The following CDK5R1 variants were observed in gnomAD, a reference collection of about 807,000 sequenced individuals.
CDK5R1 encodes the protein cyclin-dependent kinase 5 activator 1.
CDK5R1 carries 1 observed loss-of-function variant against 19.0 expected under a neutral mutation model. The observed-to-expected ratio is 0.05, with a 90% CI of 0.02 to 0.25. The LOEUF is 0.25. Ranked by LOEUF, CDK5R1 falls within the 10% of genes least tolerant of loss-of-function variation. The pLI is 1.00. For missense variants in CDK5R1, 314 were observed against 401.0 expected (o/e 0.78, Z 1.85); for synonymous variants, 225 against 187.7 (o/e 1.20, Z -1.62).
rs1222702562 is a variant in CDK5R1, at chr17:32,488,791, C to A, written c.*247C>A. ...CACTGACCTCCCACTTTGGGGAACTCAAAGGACTGACCTGCCCCTGCCGCC... is the reference window on the plus strand; with the variant it reads ...CACTGACCTCCCACTTTGGGGAACTAAAAGGACTGACCTGCCCCTGCCGCC... On this transcript the variant is annotated 3_prime_UTR_variant, in exon 2 of 2. Transcript: ENST00000313401. 3.1e-6 allele frequency: 2 copies of A among 636,302 alleles called. No homozygotes were observed. Among genetic ancestry groups the A allele is most frequent in the African/African-American group, 3.7e-5 (2 of 53,976 alleles). The allele number at this position is 636,302 out of a possible 1,614,324, so 39.4% of individuals were successfully genotyped here.
Position 32,489,246 on chromosome 17 carries a change from C to G in CDK5R1, c.*702C>G. On this transcript the variant is annotated 3_prime_UTR_variant, in exon 2 of 2. Coordinates refer to ENST00000313401, the MANE Select transcript of CDK5R1 (RefSeq NM_003885.3). ...GGTATTGGCCGATGAGCTGGTTTGA[C>G]TCATTAATTTCTCTCAATTTGGGTC... is the stretch of plus-strand genomic sequence containing the variant. 2.1e-6 allele frequency: 1 copy of G among 471,126 alleles called. No individual in the cohort carries two copies. 29.2% of individuals were successfully genotyped at this position (471,126 alleles called of 1,614,324 possible).
Position 32,488,814 on chromosome 17 carries a change from G to A in CDK5R1, c.*270G>A, listed in dbSNP as rs138704443. The A allele has an allele frequency of 5.5e-4, 287 of 523,370 alleles. 3 individuals are homozygous for A. The East Asian group carries it at 0.012, about 21-fold the overall frequency. The allele number at this position is 523,370 out of a possible 1,614,324, so 32.4% of individuals were successfully genotyped here. A position where few individuals can be genotyped will look rare whatever the true frequency, so the allele number is the denominator to read the frequency against. ...CTCAAAGGACTGACCTGCCCCTGCCGCCTGTGCCCTTGCTGGGTCCAGGGT... is the reference window on the plus strand; with the variant it reads ...CTCAAAGGACTGACCTGCCCCTGCCACCTGTGCCCTTGCTGGGTCCAGGGT... On this transcript the variant is annotated 3_prime_UTR_variant, in exon 2 of 2. Transcript: ENST00000313401.
In CDK5R1 at chr17:32,489,161, T is replaced by C; in HGVS notation, c.*617T>C. The C allele has an allele frequency of 2.1e-6, 1 of 471,118 alleles. No individual in the cohort carries two copies. Among genetic ancestry groups the C allele is most frequent in the South Asian group, 1.5e-5 (1 of 64,570 alleles). The allele number at this position is 471,118 out of a possible 1,614,324, so 29.2% of individuals were successfully genotyped here. A position where few individuals can be genotyped will look rare whatever the true frequency, so the allele number is the denominator to read the frequency against. Reference sequence around the variant, plus strand: ...TTTTTTAGGGAGAAGGGCTTTTCTTTAGTGGAGAAATGGAACTCGCCCCCC... The same window carrying C: ...TTTTTTAGGGAGAAGGGCTTTTCTTCAGTGGAGAAATGGAACTCGCCCCCC... On this transcript the variant is annotated 3_prime_UTR_variant, in exon 2 of 2. Transcript: ENST00000313401.
Position 32,487,445 on chromosome 17 carries a change from G to C in CDK5R1, c.-145-31G>C. The C allele has an allele frequency of 1.9e-6, 1 of 528,946 alleles. No homozygotes were observed. The highest frequency in any genetic ancestry group is 3.9e-5 in the Admixed American group (1 of 25,810). The allele number at this position is 528,946 out of a possible 1,614,324, so 32.8% of individuals were successfully genotyped here. A position where few individuals can be genotyped will look rare whatever the true frequency, so the allele number is the denominator to read the frequency against. On this transcript the variant is annotated intron_variant, in intron 1 of 1. Transcript: ENST00000313401. The surrounding 1 kb of genome is among the most constrained non-coding windows in gnomAD (Gnocchi z 7.9). The stretch of plus-strand genomic sequence containing the variant: ...GCGCAGGGGCGCGGCGCGGAGCCCA[G>C]CCTGGCGCTAAGAACCATCTTGTTT...
In CDK5R1 at chr17:32,488,337, C is replaced by T. The variant is rs758287417; in HGVS notation, c.717C>T (p.Asn239=). ...CLYLSYSYMG[N]EISYPLKPFL... ...ACCTCTCCTACTCCTACATGGGCAA[C>T]GAGATCTCCTACCCGCTCAAGCCCT... is the stretch of plus-strand genomic sequence containing the variant. Residue 239 remains asparagine, a synonymous_variant, in exon 2 of 2, where the codon AAC becomes AAT. Transcript: ENST00000313401. 3 of 1,614,162 alleles carry T rather than the reference C, an allele frequency of 1.9e-6. No individual in the cohort carries two copies. The highest frequency in any genetic ancestry group is 2.2e-5 in the South Asian group (2 of 91,086).
rs1908742695 is a variant in CDK5R1 at position 32,488,101 on chromosome 17, C to T, written c.481C>T (p.Arg161Cys). The change falls in exon 2 of 2, where the codon CGC becomes TGC. Residue 161 changes from arginine to cysteine, a missense_variant. Physicochemically the swap from Arg to Cys is radical, Grantham distance 180. Around this residue, in one of 3 missense-constraint regions of CDK5R1, gnomAD observed 197 missense variants for 230.2 expected, o/e 0.86. Coordinates refer to ENST00000313401, the MANE Select transcript of CDK5R1 (RefSeq NM_003885.3). ...LLRCLGEFLC[R>C]RCYRLKHLSP... ...TCGCTGCCTGGGTGAGTTTCTCTGC[C>T]GCCGGTGCTACCGCCTGAAGCACCT... is the stretch of plus-strand genomic sequence containing the variant. 6.2e-7 allele frequency: 1 copy of T among 1,613,066 alleles called. No homozygotes were observed. The highest frequency in any genetic ancestry group is 1.1e-5 in the South Asian group (1 of 91,032).
chr17:32,487,074 C>CCCGAGCGCCG lies in CDK5R1; in HGVS notation c.-223_-214dup, dbSNP rs944870526. On this transcript the variant is annotated 5_prime_UTR_variant, in exon 1 of 2. Coordinates refer to ENST00000313401, the MANE Select transcript of CDK5R1 (RefSeq NM_003885.3). This position sits in a 1 kb window ranked among gnomAD's most constrained non-coding sequence, Gnocchi z 7.9. Reference sequence around the variant, plus strand: ...GCCCAGCCGATCCCCGCCGAGCGCCCCCGAGCGCCGCCGAGCGCCGGGACC... The same window carrying CCCGAGCGCCG: ...GCCCAGCCGATCCCCGCCGAGCGCCCCCGAGCGCCGCCGAGCGCCGCCGAGCGCCGGGACC... 7.4e-4 allele frequency: 109 copies of CCCGAGCGCCG among 146,724 alleles called. 2 individuals carry two copies. The South Asian group carries it at 0.018, about 24-fold the overall frequency. The allele number at this position is 146,724 out of a possible 1,614,324, so 9.1% of individuals were successfully genotyped here. A position where few individuals can be genotyped will look rare whatever the true frequency, so the allele number is the denominator to read the frequency against.
chr17:32,487,775 G>A lies in CDK5R1; in HGVS notation c.155G>A (p.Trp52Ter). The A allele has an allele frequency of 6.2e-7, 1 of 1,614,156 alleles. No homozygotes were observed. Among genetic ancestry groups the A allele is most frequent in the Non-Finnish European group, 8.5e-7 (1 of 1,180,022 alleles). ...CACTCCATCATCTCCGTGCTGCCTT[G>A]GAAGAGAATCGTGGCCGTGTCGGCC... is the stretch of plus-strand genomic sequence containing the variant. Reference protein sequence around the residue: ...KRHSIISVLPWKRIVAVSAKK... With the variant: ...KRHSIISVLP Residue 52 changes from tryptophan to a stop codon, truncating the protein, a stop_gained, in exon 2 of 2, where the codon TGG becomes TAG. Coordinates refer to ENST00000313401, the MANE Select transcript of CDK5R1 (RefSeq NM_003885.3). LOFTEE classifies it high-confidence loss of function. This position sits in a 1 kb window ranked among gnomAD's most constrained non-coding sequence, Gnocchi z 7.9.
chr17:32,487,185 T>G lies in CDK5R1; in HGVS notation c.-146+23T>G, dbSNP rs1908697671. 1 of 146,764 alleles carries G rather than the reference T, an allele frequency of 6.8e-6. No individual in the cohort carries two copies. The highest frequency in any genetic ancestry group is 1.5e-5 in the Non-Finnish European group (1 of 66,022). The allele number at this position is 146,764 out of a possible 1,614,324, so 9.1% of individuals were successfully genotyped here. A position where few individuals can be genotyped will look rare whatever the true frequency, so the allele number is the denominator to read the frequency against. On this transcript the variant is annotated intron_variant, in intron 1 of 1. Transcript: ENST00000313401. This position sits in a 1 kb window ranked among gnomAD's most constrained non-coding sequence, Gnocchi z 7.9. ...CGGGTAAGCCTGCGCTGGGCGGCCG[T>G]CCTTGGCCCTGGGGAGCGGAGACCG...
Position 32,488,217 on chromosome 17 carries a change from C to T in CDK5R1, c.597C>T (p.Ala199=). 1 of 1,613,940 alleles carries T rather than the reference C, an allele frequency of 6.2e-7. No homozygotes were observed. Among genetic ancestry groups the T allele is most frequent in the Non-Finnish European group, 8.5e-7 (1 of 1,180,034 alleles). ...GWQDQGFITP[A]NVVFLYMLCR... is the part of the protein sequence containing the mutation. The stretch of plus-strand genomic sequence containing the variant: ...AGGACCAGGGCTTCATCACGCCGGC[C>T]AACGTGGTCTTCCTCTACATGCTCT... Residue 199 remains alanine, a synonymous_variant, in exon 2 of 2, where the codon GCC becomes GCT. Transcript: ENST00000313401.
rs1597850124 is a variant in CDK5R1, at chr17:32,487,672, G to A, written c.52G>A (p.Glu18Lys). 2 of 1,613,660 alleles carry A rather than the reference G, an allele frequency of 1.2e-6. No homozygotes were observed. Among genetic ancestry groups the A allele is most frequent in the African/African-American group, 2.7e-5 (2 of 74,946 alleles). Residue 18 changes from glutamate to lysine, a missense_variant, in exon 2 of 2, where the codon GAG becomes AAG. Transcript: ENST00000313401. The surrounding 1 kb of genome is among the most constrained non-coding windows in gnomAD (Gnocchi z 7.9). ...CAGCTACCGGAAGGCCACGCTGTTT[G>A]AGGATGGCGCGGCCACCGTGGGCCA... ...SPSYRKATLFEDGAATVGHYT... is the reference protein window; with the variant it reads ...SPSYRKATLFKDGAATVGHYT...
rs532658080 is a variant in CDK5R1, at chr17:32,488,311, T to C, written c.691T>C (p.Tyr231His). 1 of 1,614,136 alleles carries C rather than the reference T, an allele frequency of 6.2e-7. No individual in the cohort carries two copies. Among genetic ancestry groups the C allele is most frequent in the East Asian group, 2.2e-5 (1 of 44,876 alleles). ...CCAGGCCGTCCTGCTGACATGCCTGTACCTCTCCTACTCCTACATGGGCAA... is the reference window on the plus strand; with the variant it reads ...CCAGGCCGTCCTGCTGACATGCCTGCACCTCTCCTACTCCTACATGGGCAA... ...ELQAVLLTCLYLSYSYMGNEI... is the reference protein window; with the variant it reads ...ELQAVLLTCLHLSYSYMGNEI... Residue 231 changes from tyrosine (Y) to histidine (H), a missense_variant, in exon 2 of 2, where the codon TAC becomes CAC. Tyr to His is a moderately conservative substitution (Grantham distance 83). Around this residue, in one of 3 missense-constraint regions of CDK5R1, gnomAD observed 106 missense variants for 132.1 expected, o/e 0.80. Transcript: ENST00000313401.
chr17:32,487,965 G>T lies in CDK5R1; in HGVS notation c.345G>T (p.Ser115=). Residue 115 remains serine, a synonymous_variant, in exon 2 of 2, where the codon TCG becomes TCT. Coordinates refer to ENST00000313401, the MANE Select transcript of CDK5R1 (RefSeq NM_003885.3). This position sits in a 1 kb window ranked among gnomAD's most constrained non-coding sequence, Gnocchi z 7.9. ...CTGCACCCCCGGCCAGCCAGCTCTCGGGTTCCCAGACCGGGGGCTCCTCCT... is the reference window on the plus strand; with the variant it reads ...CTGCACCCCCGGCCAGCCAGCTCTCTGGTTCCCAGACCGGGGGCTCCTCCT... The part of the protein sequence containing the change: ...QPPAPPASQL[S]GSQTGGSSSV... 6.2e-7 allele frequency: 1 copy of T among 1,613,248 alleles called. No homozygotes were observed. Among genetic ancestry groups the T allele is most frequent in the Non-Finnish European group, 8.5e-7 (1 of 1,179,922 alleles).
chr17:32,487,441 C>T lies in CDK5R1; in HGVS notation c.-145-35C>T, dbSNP rs1248801004. 1.9e-6 allele frequency: 1 copy of T among 515,860 alleles called. No homozygotes were observed. Among genetic ancestry groups the T allele is most frequent in the Non-Finnish European group, 3.4e-6 (1 of 296,654 alleles). 32.0% of individuals were successfully genotyped at this position (515,860 alleles called of 1,614,324 possible). ...AGGGGCGCAGGGGCGCGGCGCGGAGCCCAGCCTGGCGCTAAGAACCATCTT... is the reference window on the plus strand; with the variant it reads ...AGGGGCGCAGGGGCGCGGCGCGGAGTCCAGCCTGGCGCTAAGAACCATCTT... On this transcript the variant is annotated intron_variant, in intron 1 of 1. Coordinates refer to ENST00000313401, the MANE Select transcript of CDK5R1 (RefSeq NM_003885.3). The surrounding 1 kb of genome is among the most constrained non-coding windows in gnomAD (Gnocchi z 7.9).
chr17:32,487,534 C>G lies in CDK5R1; in HGVS notation c.-87C>G. 1 of 1,107,222 alleles carries G rather than the reference C, an allele frequency of 9.0e-7. No individual in the cohort carries two copies. Among genetic ancestry groups the G allele is most frequent in the South Asian group, 1.5e-5 (1 of 65,212 alleles). 68.6% of individuals were successfully genotyped at this position (1,107,222 alleles called of 1,614,324 possible). A position where few individuals can be genotyped will look rare whatever the true frequency, so the allele number is the denominator to read the frequency against. ...CGCCCCCGCCTCCTCTCCGGGGCCG[C>G]CGCAGGCTCGGTGAGCGGTTTTATC... On this transcript the variant is annotated 5_prime_UTR_variant, in exon 2 of 2. Transcript: ENST00000313401. The surrounding 1 kb of genome is among the most constrained non-coding windows in gnomAD (Gnocchi z 7.9).
Position 32,488,376 on chromosome 17 carries a change from C to G in CDK5R1, c.756C>G (p.Ser252Arg), listed in dbSNP as rs919470726. ...SYPLKPFLVE[S>R]CKEAFWDRCL... ...CGCTCAAGCCCTTCCTGGTGGAGAG[C>G]TGCAAGGAGGCCTTTTGGGACCGTT... Residue 252 changes from serine to arginine, a missense_variant, in exon 2 of 2, where the codon AGC becomes AGG. This residue lies in a region of CDK5R1 where 106 missense variants were observed against 132.1 expected (regional missense o/e 0.80). Coordinates refer to ENST00000313401, the MANE Select transcript of CDK5R1 (RefSeq NM_003885.3). 9 of 1,614,010 alleles carry G rather than the reference C, an allele frequency of 5.6e-6. No individual in the cohort carries two copies. The highest frequency in any genetic ancestry group is 2.7e-5 in the African/African-American group (2 of 74,892).
At position 32,487,728 on chromosome 17, in the gene CDK5R1, C is replaced by G. The variant is rs1478114670; in HGVS notation, c.108C>G (p.Ala36=). The change falls in exon 2 of 2, where the codon GCC becomes GCG. Residue 36 remains alanine, a synonymous_variant. Coordinates refer to ENST00000313401, the MANE Select transcript of CDK5R1 (RefSeq NM_003885.3). The surrounding 1 kb of genome is among the most constrained non-coding windows in gnomAD (Gnocchi z 7.9). ...CGGCCGTACAGAACAGCAAGAACGC[C>G]AAGGACAAGAACCTGAAGCGCCACT... ...HYTAVQNSKN[A]KDKNLKRHSI... is the part of the protein sequence containing the mutation. The G allele has an allele frequency of 6.2e-7, 1 of 1,614,054 alleles. No homozygotes were observed. The highest frequency in any genetic ancestry group is 1.7e-5 in the Admixed American group (1 of 60,022).
Position 32,488,142 on chromosome 17 carries a change from C to T in CDK5R1, c.522C>T (p.Pro174=). 2 of 1,613,586 alleles carry T rather than the reference C, an allele frequency of 1.2e-6. No individual in the cohort carries two copies. Among genetic ancestry groups the T allele is most frequent in the Non-Finnish European group, 8.5e-7 (1 of 1,179,974 alleles). ...TGAAGCACCTGTCCCCCACGGACCCCGTGCTCTGGCTGCGCAGCGTGGACC... is the reference window on the plus strand; with the variant it reads ...TGAAGCACCTGTCCCCCACGGACCCTGTGCTCTGGCTGCGCAGCGTGGACC... ...YRLKHLSPTD[P]VLWLRSVDRS... Residue 174 remains proline, a synonymous_variant, in exon 2 of 2, where the codon CCC becomes CCT. Coordinates refer to ENST00000313401, the MANE Select transcript of CDK5R1 (RefSeq NM_003885.3).
chr17:32,488,054 A>G lies in CDK5R1; in HGVS notation c.434A>G (p.Gln145Arg). ...GGGACGCCCAAACGGGTCATCGTCCAGGCGTCCACCAGTGAGCTGCTTCGC... is the reference window on the plus strand; with the variant it reads ...GGGACGCCCAAACGGGTCATCGTCCGGGCGTCCACCAGTGAGCTGCTTCGC... ...SAGTPKRVIV[Q>R]ASTSELLRCL... is the part of the protein sequence containing the mutation. Residue 145 changes from glutamine (Q) to arginine (R), a missense_variant, in exon 2 of 2, where the codon CAG becomes CGG. Physicochemically the swap from Gln to Arg is conservative, Grantham distance 43 (BLOSUM62 1). Around this residue, in one of 3 missense-constraint regions of CDK5R1, gnomAD observed 197 missense variants for 230.2 expected, o/e 0.86. Transcript: ENST00000313401. The G allele has an allele frequency of 3.1e-6, 5 of 1,612,786 alleles. No homozygotes were observed. Among genetic ancestry groups the G allele is most frequent in the Non-Finnish European group, 3.4e-6 (4 of 1,179,528 alleles).
Sources: gnomAD v4.1 joint callset for allele counts on GRCh38, gnomAD v4.1.1 for gene constraint, gnomAD v4.1.1 regional missense constraint, Gnocchi (gnomAD v3.1) non-coding constraint, MANE v1.5 for transcripts, NCBI Gene and HGNC (gene_info 2026-07-23, HGNC 2026-07-21) for gene names.